CPNE4: variants seen among roughly 807,000 people sequenced by gnomAD.
CPNE4 encodes the protein copine-4.
Under a neutral mutation model 67.9 loss-of-function variants are expected in CPNE4, and 25 were observed. The ratio of observed to expected loss-of-function variants is 0.37; its 90% CI spans 0.27 to 0.51. The LOEUF (loss-of-function observed/expected upper bound fraction) is 0.51, where lower values mean the gene tolerates loss of function less well. Among genes scored for constraint, CPNE4 ranks in the 20% least tolerant of loss-of-function variants. The pLI is 0.93. For missense variants in CPNE4, 464 were observed against 690.8 expected (o/e 0.67, Z 3.68); for synonymous variants, 242 against 244.9 (o/e 0.99, Z 0.11).
chr3:131,580,519 A>G (rs1238824380), intron 9 of CPNE4, among the ~76,000 whole-genome samples: 1 of 151,878 alleles, frequency 6.6e-6, no homozygotes, highest in East Asian at 1.9e-4. Context: ...ATGCACACAC[A>G]ACAATCATCT....
chr3:131,954,887 G>A (rs2091651), intron 1 of CPNE4, among the ~76,000 whole-genome samples: 12,017 of 150,324 alleles, frequency 0.08, 624 homozygotes, highest in Admixed American at 0.16. Context: ...TCTTAATCCA[G>A]TCTATCATTG....
At chr3:131,842,794 A>T (rs1264783963) in intron 2 of CPNE4, among the ~76,000 whole-genome samples, 2 of 152,016 alleles carry the variant, frequency 1.3e-5, no homozygotes, top group Non-Finnish European at 2.9e-5. Context: ...AATTGTAAAT[A>T]AAAAAAATTA....
chr3:131,541,344 A>G (rs1051876576), intron 15 of CPNE4, among the ~76,000 whole-genome samples: 3 of 152,162 alleles, frequency 2.0e-5, no homozygotes, highest in Non-Finnish European at 4.4e-5. Context: ...CATGGACACA[A>G]TGTATCAAAA....
intron 2 of CPNE4, among the ~76,000 whole-genome samples, chr3:131,892,928 T>A (rs1205737714): frequency 4.0e-5 from 6 of 151,896 alleles, no homozygotes; most frequent in African/African-American, 9.7e-5. Flanking sequence ...GAAAGAATTT[T>A]AAAAAAATCA....
At chr3:131,799,735 A>G (rs1358257427) in intron 2 of CPNE4, among the ~76,000 whole-genome samples, 1 of 152,190 alleles carries the variant, frequency 6.6e-6, no homozygotes, top group Admixed American at 6.6e-5. Context: ...CATACCCAGC[A>G]TGACAATTCA....
intron 2 of CPNE4, among the ~76,000 whole-genome samples, chr3:131,820,222 C>T (rs72987728): frequency 0.032 from 4,813 of 152,262 alleles, 182 homozygotes; most frequent in South Asian, 0.095. Context: ...GGACTAACAT[C>T]TGTGGGAGGA....
At chr3:131,813,160 T>C (rs908386723) in intron 2 of CPNE4, among the ~76,000 whole-genome samples, 3 of 151,952 alleles carry the variant, frequency 2.0e-5, no homozygotes, top group Admixed American at 6.6e-5. Flanking sequence ...CTTATTCCGA[T>C]AAAAATGGGA....
At chr3:131,574,356 A>G (rs1345829567) in intron 10 of CPNE4, among the ~76,000 whole-genome samples, 2 of 152,126 alleles carry the variant, frequency 1.3e-5, no homozygotes, top group Admixed American at 6.6e-5. Flanking sequence ...TTTGAATATT[A>G]AGTCAGTGAA....
At chr3:131,610,286 C>T (rs1225544249) in intron 7 of CPNE4, among the ~76,000 whole-genome samples, 12 of 152,180 alleles carry the variant, frequency 7.9e-5, no homozygotes, top group Non-Finnish European at 2.9e-5. Flanking sequence ...TAAATGCTAT[C>T]TTAGAGAGTC....
chr3:131,682,083 T>A (rs2107674668), intron 6 of CPNE4, among the ~76,000 whole-genome samples: 1 of 152,278 alleles, frequency 6.6e-6, no homozygotes, highest in East Asian at 1.9e-4. Flanking sequence ...CTATTTTGAA[T>A]CCTCTATCTG....
At chr3:131,919,466 G>A (rs887943068) in intron 1 of CPNE4, among the ~76,000 whole-genome samples, 1 of 152,164 alleles carries the variant, frequency 6.6e-6, no homozygotes, top group Non-Finnish European at 1.5e-5. Context: ...AGTACATGCT[G>A]TATGATCCCA....
intron 3 of CPNE4, among the ~76,000 whole-genome samples, chr3:131,719,948 G>A (rs1245787044): frequency 3.9e-5 from 6 of 152,232 alleles, no homozygotes; most frequent in Admixed American, 3.3e-4. Context: ...TGAGATTCAT[G>A]TGATTAGCTG....
chr3:131,958,491 G>A (rs1167127289), intron 1 of CPNE4, among the ~76,000 whole-genome samples: 1 of 151,906 alleles, frequency 6.6e-6, no homozygotes. Context: ...TGCAGTTGAT[G>A]TTTGAGAAAC....
chr3:131,732,753 T>C lies in CPNE4; in HGVS notation c.181-9128A>G, dbSNP rs147707145. The stretch of plus-strand genomic sequence containing the variant: ...CTTTTTCTGCTGGAACTTTGATTGA[T>C]TCCTTAATGCTCTTAAAAATGTTTC... On this transcript the variant is annotated intron_variant, in intron 2 of 15. Coordinates refer to ENST00000429747, the MANE Select transcript of CPNE4 (RefSeq NM_130808.3). 3.7e-3 allele frequency among the ~76,000 whole-genome samples: 568 copies of C among 152,364 alleles called. 2 individuals carry two copies. Among genetic ancestry groups the C allele is most frequent in the African/African-American group, 0.013 (540 of 41,596 alleles).
chr3:131,709,718 A>G (rs1323815349), intron 3 of CPNE4, among the ~76,000 whole-genome samples: 1 of 152,220 alleles, frequency 6.6e-6, no homozygotes, highest in Non-Finnish European at 1.5e-5. Flanking sequence ...AAATGAAGAA[A>G]TAATGACACT....
chr3:131,611,083 C>CT (rs1002359114), intron 7 of CPNE4, among the ~76,000 whole-genome samples: 2 of 152,176 alleles, frequency 1.3e-5, no homozygotes, highest in East Asian at 1.9e-4. Context: ...TATCAGGAGT[C>CT]TTTTTTTAAA....
At chr3:131,743,925 T>C (rs1180009946) in intron 2 of CPNE4, among the ~76,000 whole-genome samples, 3 of 110,644 alleles carry the variant, frequency 2.7e-5, no homozygotes, top group Non-Finnish European at 4.9e-5. Flanking sequence ...ATCGCGCCAC[T>C]GCACTCCAGC....
intron 2 of CPNE4, among the ~76,000 whole-genome samples, chr3:131,824,130 C>G (rs1312942765): frequency 1.3e-5 from 2 of 151,196 alleles, no homozygotes; most frequent in Non-Finnish European, 2.9e-5. Flanking sequence ...ACTTTCTAGT[C>G]TGTAGTACTT....
chr3:131,842,297 G>A (rs1384290291), intron 2 of CPNE4, among the ~76,000 whole-genome samples: 1 of 152,210 alleles, frequency 6.6e-6, no homozygotes, highest in Non-Finnish European at 1.5e-5. Flanking sequence ...GAAGTTGGCA[G>A]GGACCATGAA....
Sources: allele counts gnomAD v4.1 joint callset (sites outside exome capture counted in the v4.1 genomes callset), GRCh38; gene constraint gnomAD v4.1.1; transcripts MANE v1.5; gene names NCBI Gene and HGNC (gene_info 2026-07-23, HGNC 2026-07-21).